The following NDE1 variants were observed in gnomAD, a reference collection of about 807,000 sequenced individuals.
NDE1 encodes nuclear distribution protein nudE homolog 1.
Under a neutral mutation model 43.4 loss-of-function variants are expected in NDE1, and 28 were observed. The ratio of observed to expected loss-of-function variants is 0.65; its 90% CI spans 0.48 to 0.89. The LOEUF is 0.89. NDE1 is among the 40% of genes least tolerant of loss of function. The pLI is 0.00. For synonymous variants in NDE1, 184 were observed against 172.0 expected (o/e 1.07, Z -0.55); for missense variants, 441 against 434.1 (o/e 1.02, Z -0.14).
chr16:15,651,875 CTTAT>C (rs1451370025), intron 1 of NDE1: 1 of 152,052 alleles, frequency 6.6e-6, no homozygotes, highest in African/African-American at 2.4e-5. Context: ...ATTAACTTGA[CTTAT>C]TTTTGTTTCC....
chr16:15,650,317 C>T lies in NDE1; in HGVS notation c.-44+23C>T, dbSNP rs558115231. ...CGGGTAAGTGAGGCGCTGCGCGGGG[C>T]TGGGGTCGGGGTGGCTGTCCGGGGA... is the stretch of plus-strand genomic sequence containing the variant. On this transcript the variant is annotated intron_variant, in intron 1 of 8. Transcript: ENST00000396354. 1,011 of 268,300 alleles carry T rather than the reference C, an allele frequency of 3.8e-3. 10 individuals are homozygous for T. The highest frequency in any genetic ancestry group is 0.022 in the African/African-American group (927 of 43,116). The allele number at this position is 268,300 out of a possible 1,614,324, so 16.6% of individuals were successfully genotyped here.
intron 8 of NDE1, among the ~76,000 whole-genome samples, chr16:15,723,511 G>A (rs1596727479): frequency 6.8e-6 from 1 of 147,556 alleles, no homozygotes; most frequent in Non-Finnish European, 1.5e-5. Flanking sequence ...GCCAGACATA[G>A]TGGTGTGCTC....
At position 15,664,742 on chromosome 16, in the gene NDE1, T is replaced by C. The variant is rs764049250; in HGVS notation, c.-37T>C. On this transcript the variant is annotated 5_prime_UTR_variant, in exon 2 of 9. An upstream start codon of the reference 5' UTR is lost. Coordinates refer to ENST00000396354, the MANE Select transcript of NDE1 (RefSeq NM_017668.3). Reference sequence around the variant, plus strand: ...TTGAAACCTTCTCTCCTAGACACCATGCCACAAGGAGAGTGATCTCTTCCC... The same window carrying C: ...TTGAAACCTTCTCTCCTAGACACCACGCCACAAGGAGAGTGATCTCTTCCC... 7.5e-6 allele frequency: 11 copies of C among 1,460,284 alleles called. No individual in the cohort carries two copies. The highest frequency in any genetic ancestry group is 1.1e-5 in the Non-Finnish European group (11 of 1,041,170). The allele number at this position is 1,460,284 out of a possible 1,614,324, so 90.5% of individuals were successfully genotyped here.
At chr16:15,673,475 A>G (rs2151468262) in intron 3 of NDE1, among the ~76,000 whole-genome samples, 1 of 151,702 alleles carries the variant, frequency 6.6e-6, no homozygotes, top group East Asian at 1.9e-4. Context: ...AAGTAGCTGG[A>G]ACTACAGCCG....
intron 3 of NDE1, among the ~76,000 whole-genome samples, chr16:15,673,214 C>G (rs541851374): frequency 6.6e-6 from 1 of 151,776 alleles, no homozygotes; most frequent in Non-Finnish European, 1.5e-5. Flanking sequence ...TTTGTGTTTT[C>G]GGTTTTGATT....
At chr16:15,714,556 G>T in intron 8 of NDE1, 2 of 424,422 alleles carry the variant, frequency 4.7e-6, no homozygotes, top group East Asian at 9.5e-5. Context: ...GTGGCGGGGG[G>T]TGGTGTTGCA....
chr16:15,719,118 ACT>A (rs780382749), intron 8 of NDE1: 38 of 1,184,090 alleles, frequency 3.2e-5, no homozygotes, highest in Non-Finnish European at 4.2e-5. Flanking sequence ...ACAGAATGAA[ACT>A]CTGTCTCGAA....
rs138255766 is a variant in NDE1 at position 15,691,321 on chromosome 16, G to T, written c.701G>T (p.Arg234Leu). 2 of 1,614,018 alleles carry T rather than the reference G, an allele frequency of 1.2e-6. No homozygotes were observed. Among genetic ancestry groups the T allele is most frequent in the South Asian group, 1.1e-5 (1 of 91,066 alleles). Residue 234 changes from arginine (R) to leucine (L), a missense_variant and splice_region_variant, in exon 6 of 9, where the codon CGT becomes CTT. Coordinates refer to ENST00000396354, the MANE Select transcript of NDE1 (RefSeq NM_017668.3). ...SSLNTPGSFR[R>L]GLDDSTGGTP... Reference sequence around the variant, plus strand: ...TTAAACACACCTGGGAGCTTCAGACGTGGTAAGGGGAGTGGGAATTGCAGG... The same window carrying T: ...TTAAACACACCTGGGAGCTTCAGACTTGGTAAGGGGAGTGGGAATTGCAGG...
At chr16:15,671,029 AG>A (rs1661522302) in intron 3 of NDE1, among the ~76,000 whole-genome samples, 1 of 152,154 alleles carries the variant, frequency 6.6e-6, no homozygotes, top group African/African-American at 2.4e-5. Flanking sequence ...GATCGCCTTC[AG>A]GGGTTTTTGT....
intron 8 of NDE1, among the ~76,000 whole-genome samples, chr16:15,710,790 G>C (rs1462890116): frequency 6.6e-6 from 1 of 151,972 alleles, no homozygotes; most frequent in Non-Finnish European, 1.5e-5. Flanking sequence ...GGAGTGTCCT[G>C]TCTCAGCCTC....
intron 8 of NDE1, chr16:15,700,008 A>T: frequency 8.4e-7 from 1 of 1,186,584 alleles, no homozygotes; most frequent in South Asian, 1.6e-5. Flanking sequence ...TCCCTGGGAA[A>T]TGTCTTTTCA....
At chr16:15,715,338 C>T in intron 8 of NDE1, 2 of 1,518,838 alleles carry the variant, frequency 1.3e-6, no homozygotes, top group Non-Finnish European at 1.8e-6. Context: ...TGGTGTGTCA[C>T]CTGGAGGTGG....
rs199752132 is a variant in NDE1 at position 15,704,081 on chromosome 16, T to C, written c.947+7221T>C. On this transcript the variant is annotated intron_variant, in intron 8 of 8. Coordinates refer to ENST00000396354, the MANE Select transcript of NDE1 (RefSeq NM_017668.3). ...CTGCATTTTCAATAACTCTACGTCC[T>C]CCAGACCTTCTAGAAGGAACGAAAG... is the stretch of plus-strand genomic sequence containing the variant. 3.2e-5 allele frequency: 51 copies of C among 1,614,062 alleles called. No individual in the cohort carries two copies. In the Admixed American group the frequency reaches 8.2e-4, roughly 26 times the overall value.
intron 8 of NDE1, among the ~76,000 whole-genome samples, chr16:15,698,534 A>C (rs746532857): frequency 6.6e-6 from 1 of 152,088 alleles, no homozygotes; most frequent in Non-Finnish European, 1.5e-5. Flanking sequence ...TTTCCATGGC[A>C]TGCACATAAC....
At chr16:15,662,407 C>T (rs1055063978) in intron 1 of NDE1, among the ~76,000 whole-genome samples, 12 of 151,054 alleles carry the variant, frequency 7.9e-5, no homozygotes, top group African/African-American at 2.7e-4. Flanking sequence ...CTCAGCCTCC[C>T]GAGTAGCTGG....
intron 1 of NDE1, among the ~76,000 whole-genome samples, chr16:15,654,205 A>G (rs1164247005): frequency 6.6e-6 from 1 of 152,170 alleles, no homozygotes; most frequent in African/African-American, 2.4e-5. Flanking sequence ...TGGCACACAG[A>G]TGAAATAAAT....
At chr16:15,694,455 C>T in intron 7 of NDE1, 199 bp downstream of exon 7, 1 of 1,369,474 alleles carries the variant, frequency 7.3e-7, no homozygotes, top group Non-Finnish European at 9.9e-7. Flanking sequence ...AAGCGATCCT[C>T]TCACCTTAGC....
At chr16:15,683,840 C>T (rs924566072) in intron 4 of NDE1, among the ~76,000 whole-genome samples, 3 of 152,004 alleles carry the variant, frequency 2.0e-5, no homozygotes, top group African/African-American at 7.2e-5. Context: ...TCCTGGGCAA[C>T]ATAGTGAGAC....
chr16:15,712,882 GTT>G (rs59799809), intron 8 of NDE1: 2 of 90,628 alleles, frequency 2.2e-5, no homozygotes, highest in Non-Finnish European at 2.3e-5. Flanking sequence ...TTCACATACA[GTT>G]TTTTTTTTTT....
Sources: gnomAD v4.1 joint callset for allele counts (sites outside exome capture counted in the v4.1 genomes callset) on GRCh38, gnomAD v4.1.1 for gene constraint, MANE v1.5 for transcripts, NCBI Gene and HGNC (gene_info 2026-07-23, HGNC 2026-07-21) for gene names.